THEMIS: variants seen among roughly 807,000 people sequenced by gnomAD.
The protein encoded by THEMIS is thymocyte selection associated, also known as protein THEMIS.
A neutral mutation model predicts 52.6 loss-of-function variants in THEMIS; 37 were observed. That is an observed-to-expected ratio of 0.70 (90% CI 0.54 to 0.93). The LOEUF is 0.93. Ranked by LOEUF, THEMIS falls within the 40% of genes least tolerant of loss-of-function variation. THEMIS has a pLI of 0.00. For synonymous variants in THEMIS, 292 were observed against 272.7 expected (o/e 1.07, Z -0.70); for missense variants, 808 against 763.1 (o/e 1.06, Z -0.69).
At chr6:127,742,232 T>C (rs1258925299) in intron 4 of THEMIS, among the ~76,000 whole-genome samples, 1 of 150,728 alleles carries the variant, frequency 6.6e-6, no homozygotes, top group Non-Finnish European at 1.5e-5. Flanking sequence ...AGAGAATCAC[T>C]TGAACCCAGG....
chr6:127,763,835 C>T (rs1353119466), intron 4 of THEMIS, among the ~76,000 whole-genome samples: 1 of 151,780 alleles, frequency 6.6e-6, no homozygotes, highest in African/African-American at 2.4e-5. Context: ...AAATATCATG[C>T]TAAAGTATAT....
At chr6:127,776,598 A>G (rs1423073310) in intron 4 of THEMIS, among the ~76,000 whole-genome samples, 3 of 152,254 alleles carry the variant, frequency 2.0e-5, no homozygotes, top group Non-Finnish European at 2.9e-5. Flanking sequence ...GTAGCATCAT[A>G]AAAGACCCAT....
chr6:127,716,846 C>T (rs184503612), intron 5 of THEMIS, among the ~76,000 whole-genome samples: 9 of 151,852 alleles, frequency 5.9e-5, no homozygotes, highest in East Asian at 3.9e-4. Flanking sequence ...CATTAGAGAG[C>T]GTCAGGGCAT....
chr6:127,760,258 A>G (rs1316806998), intron 4 of THEMIS, among the ~76,000 whole-genome samples: 1 of 152,052 alleles, frequency 6.6e-6, no homozygotes, highest in East Asian at 1.9e-4. Flanking sequence ...TGCCTTTATA[A>G]CAGAACCATA....
chr6:127,899,896 G>T (rs1229426692), intron 1 of THEMIS, among the ~76,000 whole-genome samples: 3 of 113,984 alleles, frequency 2.6e-5, no homozygotes, highest in Admixed American at 8.4e-5. Flanking sequence ...GTATGTGTGT[G>T]TATATTTTAT....
chr6:127,740,547 C>T (rs1775165918), intron 4 of THEMIS, among the ~76,000 whole-genome samples: 1 of 152,170 alleles, frequency 6.6e-6, no homozygotes, highest in Non-Finnish European at 1.5e-5. Flanking sequence ...TGAAACTTCC[C>T]AATGTCATCA....
rs141516654 is a variant in THEMIS at position 127,719,931 on chromosome 6, C to T, written c.1759-108G>A. 4,957 of 1,392,688 alleles carry T rather than the reference C, an allele frequency of 3.6e-3. 18 individuals carry two copies. Among genetic ancestry groups the T allele is most frequent in the Non-Finnish European group, 3.6e-3 (3,624 of 1,019,908 alleles). 86.3% of individuals were successfully genotyped at this position (1,392,688 alleles called of 1,614,324 possible). ...TCATTTCTGTATGTCTGAAACAGAA[C>T]ATTTGACATGTCAAAGCAAGCTACA... On this transcript the variant is annotated intron_variant, in intron 4 of 5. Transcript: ENST00000368248.
At chr6:127,697,655 T>C in the THEMIS span, among the ~76,000 whole-genome samples, 1 of 152,002 alleles carries the variant, frequency 6.6e-6, no homozygotes, top group Admixed American at 6.6e-5. Flanking sequence ...ATGTTTTGAC[T>C]TCAAGTCTTT....
At chr6:127,745,470 A>G (rs1199452442) in intron 4 of THEMIS, among the ~76,000 whole-genome samples, 1 of 151,866 alleles carries the variant, frequency 6.6e-6, no homozygotes, top group African/African-American at 2.4e-5. Flanking sequence ...GAAAGAGCAA[A>G]TAACAGTATG....
chr6:127,801,903 A>G (rs1777548748), intron 4 of THEMIS, among the ~76,000 whole-genome samples: 1 of 152,182 alleles, frequency 6.6e-6, no homozygotes, highest in Non-Finnish European at 1.5e-5. Flanking sequence ...TCTAATTTAT[A>G]TAAAGAGAAA....
At chr6:127,854,916 C>A in intron 2 of THEMIS, 114 bp downstream of exon 2, 1 of 859,842 alleles carries the variant, frequency 1.2e-6, no homozygotes, top group Non-Finnish European at 1.6e-6. Flanking sequence ...GATTTTCCCC[C>A]CCATTATCCT....
chr6:127,816,851 G>C (rs2114619084), intron 3 of THEMIS, among the ~76,000 whole-genome samples: 1 of 152,196 alleles, frequency 6.6e-6, no homozygotes, highest in Non-Finnish European at 1.5e-5. Flanking sequence ...ACTCCCCGCT[G>C]TCTCCCGGAC....
intron 4 of THEMIS, among the ~76,000 whole-genome samples, chr6:127,771,302 T>C (rs1032897531): frequency 6.6e-6 from 1 of 152,068 alleles, no homozygotes; most frequent in African/African-American, 2.4e-5. Flanking sequence ...TGCTCATGGA[T>C]AGGAAGAATC....
intron 1 of THEMIS, among the ~76,000 whole-genome samples, chr6:127,860,318 G>T (rs1292233732): frequency 6.6e-6 from 1 of 152,252 alleles, no homozygotes; most frequent in East Asian, 1.9e-4. Flanking sequence ...GATACTCCCA[G>T]TTGGACACTA....
At chr6:127,895,167 T>A (rs1047580201) in intron 1 of THEMIS, among the ~76,000 whole-genome samples, 2 of 151,262 alleles carry the variant, frequency 1.3e-5, no homozygotes, top group African/African-American at 4.8e-5. Context: ...AAAGAATAGT[T>A]GGGAACTTCC....
chr6:127,731,997 TG>T (rs1232830350), intron 4 of THEMIS, among the ~76,000 whole-genome samples: 3 of 148,492 alleles, frequency 2.0e-5, no homozygotes, highest in African/African-American at 5.1e-5. Context: ...TGAGCCACCT[TG>T]CCTGGCCATT....
chr6:127,845,496 C>A (rs1428960384), intron 2 of THEMIS, among the ~76,000 whole-genome samples: 1 of 151,852 alleles, frequency 6.6e-6, no homozygotes, highest in Non-Finnish European at 1.5e-5. Flanking sequence ...TCCACAGTAA[C>A]CTTGAAAACT....
At chr6:127,780,160 T>C (rs1776696242) in intron 4 of THEMIS, among the ~76,000 whole-genome samples, 1 of 152,212 alleles carries the variant, frequency 6.6e-6, no homozygotes, top group Admixed American at 6.5e-5. Flanking sequence ...AATGCCTTTC[T>C]TTGTCTTTTT....
chr6:127,809,818 A>G (rs2114593057), intron 4 of THEMIS, among the ~76,000 whole-genome samples: 1 of 150,950 alleles, frequency 6.6e-6, no homozygotes, highest in East Asian at 1.9e-4. Context: ...GCAACTATTT[A>G]AATGTATAAA....
Sources: allele counts gnomAD v4.1 joint callset (sites outside exome capture counted in the v4.1 genomes callset), GRCh38; gene constraint gnomAD v4.1.1; transcripts MANE v1.5; gene names NCBI Gene and HGNC (gene_info 2026-07-23, HGNC 2026-07-21).